Variants in ANXA2 observed in about 807,000 individuals in gnomAD.
ANXA2 encodes the protein annexin II.
Under a neutral mutation model 47.3 loss-of-function variants are expected in ANXA2, and 28 were observed. The ratio of observed to expected loss-of-function variants is 0.59; its 90% CI spans 0.44 to 0.81. The LOEUF is 0.81. ANXA2 is among the 40% of genes least tolerant of loss of function. The pLI is 0.00. For synonymous variants in ANXA2, 172 were observed against 155.5 expected (o/e 1.11, Z -0.79); for missense variants, 384 against 414.3 (o/e 0.93, Z 0.64).
chr15:60,393,650 T>C, intron 1 of ANXA2: 2 of 985,194 alleles, frequency 2.0e-6, no homozygotes, highest in Non-Finnish European at 2.4e-6. Context: ...GACATCTGAA[T>C]GAGTCTTTAG....
At chr15:60,397,584 C>T (rs1330304245) in intron 1 of ANXA2, among the ~76,000 whole-genome samples, 1 of 152,188 alleles carries the variant, frequency 6.6e-6, no homozygotes, top group Non-Finnish European at 1.5e-5. Context: ...GGCGGCCACG[C>T]CCTGCCTCGG....
intron 3 of ANXA2, among the ~76,000 whole-genome samples, chr15:60,370,561 T>G (rs957517791): frequency 6.6e-6 from 1 of 152,196 alleles, no homozygotes; most frequent in Non-Finnish European, 1.5e-5. Flanking sequence ...CAGTACAGGT[T>G]GAGGTTGCAA....
At position 60,386,275 on chromosome 15, in the gene ANXA2, G is replaced by A; in HGVS notation, c.-11-189C>T. ...AAACCTCAGAGATGGTCTGCCTTGG[G>A]TTGGGATGGACTACTAAACTAGCCA... On this transcript the variant is annotated intron_variant, in intron 1 of 12. Coordinates refer to ENST00000451270, the MANE Select transcript of ANXA2 (RefSeq NM_004039.3). 2 of 573,408 alleles carry A rather than the reference G, an allele frequency of 3.5e-6. 1 individual carries two copies. The highest frequency in any genetic ancestry group is 6.3e-6 in the Non-Finnish European group (2 of 317,666). 35.5% of individuals were successfully genotyped at this position (573,408 alleles called of 1,614,324 possible).
At chr15:60,392,380 C>A (rs1376897589) in intron 1 of ANXA2, among the ~76,000 whole-genome samples, 2 of 144,280 alleles carry the variant, frequency 1.4e-5, no homozygotes, top group African/African-American at 2.6e-5. Context: ...TTGTACCAAC[C>A]TAATAATTTA....
chr15:60,353,980 T>C (rs749025401), intron 8 of ANXA2, among the ~76,000 whole-genome samples, 174 bp downstream of exon 8: 11 of 152,156 alleles, frequency 7.2e-5, no homozygotes, highest in African/African-American at 1.7e-4. Context: ...GCCAGAACAA[T>C]TGGGCTAATC....
chr15:60,366,412 C>T (rs1329348288), intron 3 of ANXA2, among the ~76,000 whole-genome samples: 1 of 150,880 alleles, frequency 6.6e-6, no homozygotes, highest in Admixed American at 6.6e-5. Flanking sequence ...AGCATCTCTG[C>T]GCGGCCGCCC....
At chr15:60,397,261 C>T in intron 1 of ANXA2, 1 of 985,326 alleles carries the variant, frequency 1.0e-6, no homozygotes, top group African/African-American at 1.7e-5. Flanking sequence ...ACACTACCTT[C>T]CTGAGGCCAA....
intron 1 of ANXA2, chr15:60,393,420 T>C (rs2063040393): frequency 9.9e-7 from 1 of 1,007,566 alleles, no homozygotes; most frequent in African/African-American, 1.7e-5. Context: ...ACATATTGTA[T>C]TTTCAACAGG....
At chr15:60,382,475 C>T (rs376371711) in intron 2 of ANXA2, 34 bp from the exon 3 acceptor site, 165 of 1,419,154 alleles carry the variant, frequency 1.2e-4, no homozygotes, top group Non-Finnish European at 1.6e-4. Flanking sequence ...TCAAATGACA[C>T]ACATTTAAAA....
chr15:60,364,354 A>T, intron 4 of ANXA2, 75 bp downstream of exon 4: 1 of 1,192,928 alleles, frequency 8.4e-7, no homozygotes, highest in Non-Finnish European at 1.2e-6. Flanking sequence ...GCCACAATTC[A>T]TGAAAAGAAA....
At chr15:60,392,455 C>A (rs996967516) in intron 1 of ANXA2, among the ~76,000 whole-genome samples, 1 of 149,522 alleles carries the variant, frequency 6.7e-6, no homozygotes. Flanking sequence ...TGCTTCACTA[C>A]GAAAGTGCAG....
At chr15:60,368,319 AATAAAAT>A (rs1386231837) in intron 3 of ANXA2, among the ~76,000 whole-genome samples, 4 of 93,812 alleles carry the variant, frequency 4.3e-5, no homozygotes, top group Non-Finnish European at 4.9e-5. Flanking sequence ...AAAAAAAAAA[AATAAAAT>A]AAAATAAAAT....
At chr15:60,373,621 T>C (rs1028005264) in intron 3 of ANXA2, among the ~76,000 whole-genome samples, 1 of 152,184 alleles carries the variant, frequency 6.6e-6, no homozygotes, top group Non-Finnish European at 1.5e-5. Context: ...GGCCTCTGGA[T>C]AAGTAGCAGC....
chr15:60,356,393 T>A (rs1030361882), intron 6 of ANXA2, among the ~76,000 whole-genome samples: 1 of 151,228 alleles, frequency 6.6e-6, no homozygotes, highest in African/African-American at 2.4e-5. Flanking sequence ...ACTGAGAAAA[T>A]GCACAGCGGC....
intron 3 of ANXA2, among the ~76,000 whole-genome samples, chr15:60,376,028 G>C (rs922151162): frequency 6.6e-6 from 1 of 152,162 alleles, no homozygotes; most frequent in Admixed American, 6.5e-5. Flanking sequence ...AACAGAGCCA[G>C]AGACGAGGCT....
At chr15:60,366,811 GGGGGGT>G (rs2062620053) in intron 3 of ANXA2, among the ~76,000 whole-genome samples, 1 of 126,908 alleles carries the variant, frequency 7.9e-6, no homozygotes, top group Non-Finnish European at 1.6e-5. Context: ...GCGGGGGGGG[GGGGGGT>G]CGGCCAGCCG....
chr15:60,379,016 C>G (rs549607588), intron 3 of ANXA2, among the ~76,000 whole-genome samples: 1 of 151,126 alleles, frequency 6.6e-6, no homozygotes, highest in Non-Finnish European at 1.5e-5. Flanking sequence ...CGCGGTGGCT[C>G]ACGGCTATAA....
rs372642918 is a variant in ANXA2 at position 60,354,183 on chromosome 15, C to T, written c.559G>A (p.Asp187Asn). ...GCATCTTGGTCAATCAGTTCATAATCAATGACAGAGCCATCCTCTGCTCTT... is the reference window on the plus strand; with the variant it reads ...GCATCTTGGTCAATCAGTTCATAATTAATGACAGAGCCATCCTCTGCTCTT... ...GRRAEDGSVI[D>N]YELIDQDARD... Residue 187 changes from aspartate to asparagine, a missense_variant, in exon 8 of 13, where the codon GAT (aspartate) becomes AAT (asparagine). Transcript: ENST00000451270. The T allele has an allele frequency of 1.1e-5, 17 of 1,613,790 alleles. No individual in the cohort carries two copies. Among genetic ancestry groups the T allele is most frequent in the Non-Finnish European group, 1.4e-5 (17 of 1,179,900 alleles).
chr15:60,390,496 G>T, intron 1 of ANXA2: 1 of 507,106 alleles, frequency 2.0e-6, no homozygotes, highest in Non-Finnish European at 3.9e-6. Context: ...ACAAGAAGCA[G>T]AGTGACTATG....
Sources: allele counts gnomAD v4.1 joint callset (sites outside exome capture counted in the v4.1 genomes callset), GRCh38; gene constraint gnomAD v4.1.1; transcripts MANE v1.5; gene names NCBI Gene and HGNC (gene_info 2026-07-23, HGNC 2026-07-21).